Variants in BIRC6 observed in about 807,000 individuals in gnomAD.
BIRC6 encodes dual E2 ubiquitin-conjugating enzyme/E3 ubiquitin-protein ligase BIRC6.
Under a neutral mutation model 503.3 loss-of-function variants are expected in BIRC6, and 98 were observed. The observed-to-expected ratio is 0.19, with a 90% CI of 0.17 to 0.23. The LOEUF (loss-of-function observed/expected upper bound fraction) is 0.23. BIRC6 is among the 10% of genes least tolerant of loss of function. BIRC6 has a pLI of 1.00. For missense variants in BIRC6, 5,360 were observed against 5,806.0 expected, an observed-to-expected ratio of 0.92 and a Z score of 2.50; for synonymous variants, 2,240 against 2,078.7, an observed-to-expected ratio of 1.08 and a Z score of -2.11.
At position 32,490,035 on chromosome 2, in the gene BIRC6, G is replaced by A. The variant is rs765325067; in HGVS notation, c.8096-6G>A. 11 of 1,579,240 alleles carry A rather than the reference G, an allele frequency of 7.0e-6. No homozygotes were observed. The Admixed American group carries it at 1.8e-4, about 26-fold the overall frequency. ...AAAATATTTTCCCTTTCTCTTTTCT[G>A]CATAGCATCAATAACTAGCTTTCTC... On this transcript the variant is annotated splice_region_variant and splice_polypyrimidine_tract_variant and intron_variant, in intron 42 of 73. Transcript: ENST00000421745.
At chr2:32,577,533 GT>G (rs1482896664) in intron 66 of BIRC6, among the ~76,000 whole-genome samples, 1 of 151,948 alleles carries the variant, frequency 6.6e-6, no homozygotes, top group Admixed American at 6.6e-5. Context: ...TTTAAACTGT[GT>G]ATTTCCTTAT....
intron 59 of BIRC6, 107 bp downstream of exon 59, chr2:32,525,735 G>C (rs1362952693): frequency 9.0e-7 from 1 of 1,109,510 alleles, no homozygotes. Context: ...CCATTGATGA[G>C]ATCAGTGAGT....
intron 72 of BIRC6, among the ~76,000 whole-genome samples, chr2:32,608,034 T>C (rs959264409): frequency 1.3e-5 from 2 of 150,038 alleles, no homozygotes; most frequent in African/African-American, 4.9e-5. Flanking sequence ...AGTATTCTAT[T>C]TGCCTTTATA....
chr2:32,444,401 G>A (rs1245853001), intron 20 of BIRC6, among the ~76,000 whole-genome samples: 1 of 152,138 alleles, frequency 6.6e-6, no homozygotes, highest in Non-Finnish European at 1.5e-5. Flanking sequence ...AAAAAAGAAT[G>A]AAGGTAGTTA....
intron 6 of BIRC6, among the ~76,000 whole-genome samples, chr2:32,400,378 G>T (rs1378454412): frequency 1.6e-5 from 2 of 125,530 alleles, no homozygotes; most frequent in Non-Finnish European, 3.2e-5. Flanking sequence ...TCACTCCGTT[G>T]CCCAGGCTGG....
At chr2:32,543,655 A>C in intron 62 of BIRC6, 114 bp downstream of exon 62, 2 of 1,043,336 alleles carry the variant, frequency 1.9e-6, no homozygotes, top group Non-Finnish European at 2.7e-6. Flanking sequence ...CTGTTAGATG[A>C]TTTGTAAGTG....
intron 1 of BIRC6, among the ~76,000 whole-genome samples, chr2:32,367,738 C>A (rs1180974153): frequency 1.3e-5 from 2 of 152,108 alleles, no homozygotes; most frequent in African/African-American, 4.8e-5. Context: ...ATCGCTGGAA[C>A]CCGGGAGATA....
At chr2:32,372,983 G>A (rs577091244) in intron 1 of BIRC6, among the ~76,000 whole-genome samples, 3 of 152,284 alleles carry the variant, frequency 2.0e-5, no homozygotes, top group Admixed American at 2.0e-4. Flanking sequence ...GGATTACAGG[G>A]CCATTTGGTA....
intron 21 of BIRC6, among the ~76,000 whole-genome samples, chr2:32,447,440 C>G (rs1281002890): frequency 6.1e-5 from 9 of 148,278 alleles, no homozygotes; most frequent in Admixed American, 5.3e-4. Context: ...GCTGACCCCC[C>G]ACCTCCCTCC....
At position 32,393,341 on chromosome 2, in the gene BIRC6, C is replaced by T. The variant is rs59874166; in HGVS notation, c.951+1191C>T. On this transcript the variant is annotated intron_variant, in intron 5 of 73. Coordinates refer to ENST00000421745, the MANE Select transcript of BIRC6 (RefSeq NM_016252.4). ...GAATGGGACATTATAAAAAGCTTTG[C>T]TGAATTAGAGGGAAGTTAAGAAAAA... is the stretch of plus-strand genomic sequence containing the variant. Among the ~76,000 whole-genome samples, 922 of 152,082 alleles carry T rather than the reference C, an allele frequency of 6.1e-3. 10 individuals are homozygous for T. Among genetic ancestry groups the T allele is most frequent in the African/African-American group, 0.021 (873 of 41,456 alleles).
At position 32,461,043 on chromosome 2, in the gene BIRC6, T is replaced by C. The variant is rs201282323; in HGVS notation, c.4754-2151T>C. Among the ~76,000 whole-genome samples, 491 of 61,670 alleles carry C rather than the reference T, an allele frequency of 8.0e-3. 13 individuals carry two copies. The highest frequency in any genetic ancestry group is 0.013 in the Non-Finnish European group (328 of 24,596). 40.5% of individuals were successfully genotyped at this position (61,670 alleles called of 152,430 possible). ...TTCTCTTCTCTTCTCTTCTCTTCTC[T>C]TCTCTTCTCTTCTCTTCTCTTCTGT... On this transcript the variant is annotated intron_variant, in intron 23 of 73. Coordinates refer to ENST00000421745, the MANE Select transcript of BIRC6 (RefSeq NM_016252.4).
At chr2:32,496,647 G>A (rs1023315525) in intron 45 of BIRC6, among the ~76,000 whole-genome samples, 1 of 152,000 alleles carries the variant, frequency 6.6e-6, no homozygotes, top group Non-Finnish European at 1.5e-5. Flanking sequence ...CTCCACCTTT[G>A]TTCTTTATTT....
chr2:32,463,264 C>A lies in BIRC6; in HGVS notation c.4824C>A (p.Ala1608=). The change falls in exon 24 of 74, where the codon GCC becomes GCA. Residue 1608 remains alanine, a synonymous_variant. Transcript: ENST00000421745. ...GGACAGTTGGGGAAGCCTCGACAGCCCTGAGTTCAGCAGCCCAGGTAGCTT... is the reference window on the plus strand; with the variant it reads ...GGACAGTTGGGGAAGCCTCGACAGCACTGAGTTCAGCAGCCCAGGTAGCTT... The part of the protein sequence containing the change: ...SSGTVGEAST[A]LSSAAQVALQ... 6.2e-7 allele frequency: 1 copy of A among 1,613,718 alleles called. No individual in the cohort carries two copies. Among genetic ancestry groups the A allele is most frequent in the Non-Finnish European group, 8.5e-7 (1 of 1,179,802 alleles).
At chr2:32,543,611 C>T in intron 62 of BIRC6, 70 bp downstream of exon 62, 1 of 1,415,386 alleles carries the variant, frequency 7.1e-7, no homozygotes, top group South Asian at 1.3e-5. Flanking sequence ...AGATCATTGC[C>T]TATTATTCAT....
intron 66 of BIRC6, chr2:32,591,089 A>C: frequency 1.1e-5 from 6 of 539,532 alleles, no homozygotes; most frequent in Non-Finnish European, 1.2e-5. Context: ...GACTAGTTAG[A>C]ATCATTGATA....
At chr2:32,374,285 C>T (rs1339971915) in intron 1 of BIRC6, among the ~76,000 whole-genome samples, 1 of 151,844 alleles carries the variant, frequency 6.6e-6, no homozygotes, top group Non-Finnish European at 1.5e-5. Flanking sequence ...AGCTATATGT[C>T]TGTCCTTTGC....
chr2:32,578,426 AT>A (rs561186591), intron 66 of BIRC6, among the ~76,000 whole-genome samples: 173 of 152,264 alleles, frequency 1.1e-3, no homozygotes, highest in African/African-American at 4.0e-3. Flanking sequence ...ATTCAGGAAA[AT>A]GTGTTCTGTT....
chr2:32,592,336 G>A (rs936414021), intron 66 of BIRC6, among the ~76,000 whole-genome samples: 1 of 152,214 alleles, frequency 6.6e-6, no homozygotes, highest in Admixed American at 6.5e-5. Flanking sequence ...CTTCAGTTAA[G>A]TCAGGTGACA....
At chr2:32,395,843 C>A (rs2039817296) in intron 6 of BIRC6, among the ~76,000 whole-genome samples, 1 of 152,104 alleles carries the variant, frequency 6.6e-6, no homozygotes, top group Admixed American at 6.6e-5. Context: ...CTAACGAAAA[C>A]CGGAAAGCTA....
Sources: allele counts gnomAD v4.1 joint callset (sites outside exome capture counted in the v4.1 genomes callset), GRCh38; gene constraint gnomAD v4.1.1; transcripts MANE v1.5; gene names NCBI Gene and HGNC (gene_info 2026-07-23, HGNC 2026-07-21).